The following SELENOF variants were observed in gnomAD, a reference collection of about 807,000 sequenced individuals.
SELENOF encodes the protein 15 kDa selenoprotein.
A neutral mutation model predicts 20.5 loss-of-function variants in SELENOF; 16 were observed. The ratio of observed to expected loss-of-function variants is 0.78; its 90% CI spans 0.53 to 1.19. SELENOF has a LOEUF of 1.19. Among genes scored for constraint, SELENOF ranks in the 50% most tolerant of loss-of-function variants. The pLI is 0.00. For synonymous variants in SELENOF, 78 were observed against 74.5 expected (o/e 1.05, Z -0.24); for missense variants, 215 against 194.2 (o/e 1.11, Z -0.64).
rs2102087906 is a variant in SELENOF at position 86,880,645 on chromosome 1, GA to G, written c.316+16del. The stretch of plus-strand genomic sequence containing the variant: ...TTTTAAATGACTGAACAGTTTACTG[GA>G]GTAAATTTTATATACCTTGGACTTG... On this transcript the variant is annotated intron_variant, in intron 3 of 4. Coordinates refer to ENST00000331835, the MANE Select transcript of SELENOF (RefSeq NM_004261.5). 1.7e-4 allele frequency: 244 copies of G among 1,472,112 alleles called. No homozygotes were observed. The highest frequency in any genetic ancestry group is 2.0e-4 in the Non-Finnish European group (211 of 1,075,568). 91.2% of individuals were successfully genotyped at this position (1,472,112 alleles called of 1,614,324 possible).
chr1:86,909,681 C>T (rs1659926045), intron 1 of SELENOF, among the ~76,000 whole-genome samples: 1 of 152,082 alleles, frequency 6.6e-6, no homozygotes, highest in South Asian at 2.1e-4. Flanking sequence ...TTGGTTAAGA[C>T]CATGTGGATT....
At chr1:86,864,426 G>A (rs1658540407) in intron 4 of SELENOF, among the ~76,000 whole-genome samples, 1 of 152,136 alleles carries the variant, frequency 6.6e-6, no homozygotes, top group Non-Finnish European at 1.5e-5. Flanking sequence ...ATGTAGTTCG[G>A]CAGTGATGAC....
rs759295371 is a variant in SELENOF at position 86,914,060 on chromosome 1, G to A, written c.52C>T (p.Leu18=). 1 of 1,613,892 alleles carries A rather than the reference G, an allele frequency of 6.2e-7. No homozygotes were observed. The highest frequency in any genetic ancestry group is 1.1e-5 in the South Asian group (1 of 91,076). The change falls in exon 1 of 5, where the codon CTA becomes TTA. Residue 18 remains leucine, a synonymous_variant. Transcript: ENST00000331835. ...PSGCLVPAFG[L]RLLLATVLQA... ...AGCACAGTCGCCAACAACAACCGTA[G>A]CCCAAACGCCGGCACCAGACACCCA... is the stretch of plus-strand genomic sequence containing the variant.
intron 2 of SELENOF, among the ~76,000 whole-genome samples, chr1:86,894,170 G>C (rs1659460324): frequency 7.5e-6 from 1 of 132,628 alleles, no homozygotes; most frequent in Non-Finnish European, 1.6e-5. Context: ...CAACCTGGAG[G>C]TTTTTTTTTT....
intron 2 of SELENOF, among the ~76,000 whole-genome samples, chr1:86,892,065 A>C (rs1487458054): frequency 6.6e-6 from 1 of 151,758 alleles, no homozygotes; most frequent in African/African-American, 2.4e-5. Context: ...GGAGTAGCTG[A>C]GATTACAGGA....
intron 4 of SELENOF, among the ~76,000 whole-genome samples, chr1:86,867,721 T>C (rs924618001): frequency 1.3e-5 from 2 of 148,758 alleles, no homozygotes; most frequent in East Asian, 4.0e-4. Flanking sequence ...TTAAATTTAA[T>C]TAATATATCA....
chr1:86,868,229 T>G, intron 3 of SELENOF, 127 bp from the exon 4 acceptor site: 1 of 427,272 alleles, frequency 2.3e-6, no homozygotes. Flanking sequence ...ACTAAGAAAA[T>G]TTAAACATCT....
At chr1:86,886,140 T>C (rs1017340939) in intron 2 of SELENOF, among the ~76,000 whole-genome samples, 1 of 152,130 alleles carries the variant, frequency 6.6e-6, no homozygotes, top group African/African-American at 2.4e-5. Context: ...ACCCTGACAG[T>C]ACACTAGAAT....
At chr1:86,865,349 CAG>C (rs1386690042) in intron 4 of SELENOF, among the ~76,000 whole-genome samples, 1 of 151,946 alleles carries the variant, frequency 6.6e-6, no homozygotes, top group African/African-American at 2.4e-5. Context: ...AAAGACAACC[CAG>C]AGAAGGGGAG....
At chr1:86,914,243 C>T (rs2102143008), upstream of SELENOF, 3 of 773,780 alleles carry the variant, frequency 3.9e-6, no homozygotes, top group Non-Finnish European at 6.7e-6. Flanking sequence ...TATTAAATAA[C>T]GGCATATGAA....
chr1:86,890,351 A>G (rs1214793849), intron 2 of SELENOF, among the ~76,000 whole-genome samples: 3 of 152,188 alleles, frequency 2.0e-5, no homozygotes, highest in African/African-American at 7.2e-5. Flanking sequence ...GCATACATGT[A>G]TGTTTTGTTT....
At chr1:86,889,032 A>G (rs1339644923) in intron 2 of SELENOF, among the ~76,000 whole-genome samples, 1 of 152,256 alleles carries the variant, frequency 6.6e-6, no homozygotes, top group Non-Finnish European at 1.5e-5. Context: ...CCCTATAGAT[A>G]GTAATCACCT....
chr1:86,873,506 C>T (rs111738011), intron 3 of SELENOF, among the ~76,000 whole-genome samples: 2 of 152,134 alleles, frequency 1.3e-5, no homozygotes, highest in South Asian at 4.1e-4. Context: ...TACTGACCAT[C>T]TGAAATGTAG....
chr1:86,885,656 A>G (rs569617302), intron 2 of SELENOF, among the ~76,000 whole-genome samples: 1 of 152,308 alleles, frequency 6.6e-6, no homozygotes, highest in Non-Finnish European at 1.5e-5. Flanking sequence ...ACCTTAAGAA[A>G]ACCTTGATAA....
chr1:86,868,202 A>T (rs1658664095), intron 3 of SELENOF, 100 bp from the exon 4 acceptor site: 1 of 521,022 alleles, frequency 1.9e-6, no homozygotes, highest in Admixed American at 3.5e-5. Flanking sequence ...ATCAAACATT[A>T]TATCCTATAT....
intron 2 of SELENOF, among the ~76,000 whole-genome samples, chr1:86,901,343 T>C (rs952299358): frequency 2.0e-5 from 3 of 152,064 alleles, no homozygotes; most frequent in African/African-American, 7.2e-5. Context: ...AATGGGAGGA[T>C]TGCCCAACAT....
intron 2 of SELENOF, among the ~76,000 whole-genome samples, chr1:86,892,645 C>A (rs1659418665): frequency 6.6e-6 from 1 of 152,128 alleles, no homozygotes; most frequent in Non-Finnish European, 1.5e-5. Context: ...TACACAATAG[C>A]CACGCAAATT....
At chr1:86,872,902 G>A (rs185250972) in intron 3 of SELENOF, among the ~76,000 whole-genome samples, 3 of 152,172 alleles carry the variant, frequency 2.0e-5, no homozygotes, top group Non-Finnish European at 2.9e-5. Context: ...ATTAGCTGGC[G>A]TGGTGGCAGG....
intron 2 of SELENOF, among the ~76,000 whole-genome samples, chr1:86,891,053 CTTTTTTTT>C (rs34603223): frequency 7.1e-6 from 1 of 139,864 alleles, no homozygotes; most frequent in Non-Finnish European, 1.6e-5. Context: ...CCTATTTTTT[CTTTTTTTT>C]TTTTTTAGAT....
Sources: allele counts gnomAD v4.1 joint callset (sites outside exome capture counted in the v4.1 genomes callset), GRCh38; gene constraint gnomAD v4.1.1; transcripts MANE v1.5; gene names NCBI Gene and HGNC (gene_info 2026-07-23, HGNC 2026-07-21).